The following SPAG16 variants were observed in gnomAD, a reference collection of about 807,000 sequenced individuals.
SPAG16 encodes sperm-associated antigen 16 protein.
A neutral mutation model predicts 80.4 loss-of-function variants in SPAG16; 86 were observed. The ratio of observed to expected loss-of-function variants is 1.07; its 90% CI spans 0.90 to 1.28. SPAG16 has a LOEUF of 1.28. Among genes scored for constraint, SPAG16 ranks in the 50% most tolerant of loss-of-function variants. The probability of loss-of-function intolerance (pLI) is 0.00; values close to 1 mark genes in which losing one functional copy is unlikely to be tolerated. For missense variants in SPAG16, 870 were observed against 765.3 expected, an observed-to-expected ratio of 1.14 and a Z score of -1.61; for synonymous variants, 294 against 265.9, an observed-to-expected ratio of 1.11 and a Z score of -1.03.
chr2:214,307,599 T>C (rs1391792165), intron 15 of SPAG16, among the ~76,000 whole-genome samples: 1 of 152,196 alleles, frequency 6.6e-6, no homozygotes, highest in Non-Finnish European at 1.5e-5. Context: ...TGTATCTTTG[T>C]TCTCATTAGT....
At chr2:213,287,967 A>G (rs539280905) in intron 1 of SPAG16, among the ~76,000 whole-genome samples, 17 of 152,298 alleles carry the variant, frequency 1.1e-4, no homozygotes, top group Middle Eastern at 3.4e-3. Context: ...GTACAGTGGC[A>G]TGATCATAGC....
intron 9 of SPAG16, among the ~76,000 whole-genome samples, chr2:213,410,763 T>C (rs946313248): frequency 6.6e-6 from 1 of 152,158 alleles, no homozygotes; most frequent in Non-Finnish European, 1.5e-5. Context: ...AGGCCCAGAT[T>C]GTCCCCTTTC....
At chr2:213,386,711 A>G (rs2067447737) in intron 9 of SPAG16, among the ~76,000 whole-genome samples, 1 of 152,206 alleles carries the variant, frequency 6.6e-6, no homozygotes, top group South Asian at 2.1e-4. Context: ...GTCAATTCTT[A>G]TGGTTTAAAC....
At chr2:213,921,554 C>T (rs909008209) in intron 11 of SPAG16, among the ~76,000 whole-genome samples, 15 of 152,070 alleles carry the variant, frequency 9.9e-5, no homozygotes, top group African/African-American at 3.4e-4. Context: ...TTCATATGTA[C>T]GAATTTGATC....
rs568087947 is a variant in SPAG16 at position 214,404,137 on chromosome 2, T to G, written c.1721-6003T>G. Among the ~76,000 whole-genome samples the G allele has an allele frequency of 3.9e-5, 6 of 152,302 alleles. No individual in the cohort carries two copies. The East Asian group carries it at 1.2e-3, about 29-fold the overall frequency. On this transcript the variant is annotated intron_variant, in intron 15 of 15. Transcript: ENST00000331683. ...TGTTTGATGGAGAGCACAGAGTTCA[T>G]GTAAGAGTGTACTTGAGTTAGCAAA...
At chr2:213,664,158 A>G (rs2063519649) in intron 10 of SPAG16, among the ~76,000 whole-genome samples, 2 of 152,038 alleles carry the variant, frequency 1.3e-5, no homozygotes, top group South Asian at 2.1e-4. Flanking sequence ...CCACTGTCAC[A>G]TAGGCTTCTC....
intron 10 of SPAG16, among the ~76,000 whole-genome samples, chr2:213,722,914 T>C (rs561963233): frequency 2.6e-5 from 4 of 152,304 alleles, no homozygotes; most frequent in African/African-American, 9.6e-5. Context: ...GCCTCTTTTA[T>C]AAGGGCATCA....
At position 213,833,552 on chromosome 2, in the gene SPAG16, TA is replaced by T. The variant is rs2073894256; in HGVS notation, c.1071-28932del. Reference sequence around the variant, plus strand: ...TATATTATATATAATATATATAATATATATAATATATATAATATATATATAA... The same window carrying T: ...TATATTATATATAATATATATAATATTATAATATATATAATATATATATAA... On this transcript the variant is annotated intron_variant, in intron 10 of 15. Coordinates refer to ENST00000331683, the MANE Select transcript of SPAG16 (RefSeq NM_024532.5). Among the ~76,000 whole-genome samples, 6 of 3,540 alleles carry T rather than the reference TA, an allele frequency of 1.7e-3. 1 individual carries two copies. The highest frequency in any genetic ancestry group is 2.3e-3 in the Non-Finnish European group (4 of 1,736). 2.3% of individuals were successfully genotyped at this position (3,540 alleles called of 152,430 possible).
At chr2:214,238,010 A>G in intron 15 of SPAG16, 3 of 257,034 alleles carry the variant, frequency 1.2e-5, no homozygotes, top group Non-Finnish European at 1.6e-5. Flanking sequence ...TAAAACAAAC[A>G]TTTGAATTAT....
chr2:213,652,148 A>G (rs539348258), intron 10 of SPAG16, among the ~76,000 whole-genome samples: 1 of 152,354 alleles, frequency 6.6e-6, no homozygotes, highest in East Asian at 1.9e-4. Context: ...GACCCCAGGT[A>G]TACTACTTAA....
intron 10 of SPAG16, among the ~76,000 whole-genome samples, chr2:213,766,538 C>A (rs1026877064): frequency 1.3e-5 from 2 of 152,166 alleles, no homozygotes; most frequent in African/African-American, 2.4e-5. Flanking sequence ...AAAGTTAAGC[C>A]TTTAATCACT....
At chr2:213,312,749 A>G (rs1458155597) in intron 4 of SPAG16, among the ~76,000 whole-genome samples, 1 of 151,764 alleles carries the variant, frequency 6.6e-6, no homozygotes. Context: ...AATGGAAGAG[A>G]TTGTAAATTA....
intron 9 of SPAG16, among the ~76,000 whole-genome samples, chr2:213,416,546 G>GTTT (rs1480038020): frequency 0.015 from 1,549 of 103,314 alleles, 22 homozygotes; most frequent in African/African-American, 0.037. Flanking sequence ...TACTTGACTT[G>GTTT]TTTTTTCTTT....
At position 214,335,755 on chromosome 2, in the gene SPAG16, C is replaced by CTTT. The variant is rs71037369; in HGVS notation, c.1721-74365_1721-74363dup. Among the ~76,000 whole-genome samples the CTTT allele has an allele frequency of 2.4e-3, 215 of 90,558 alleles. 7 individuals carry two copies. Among genetic ancestry groups the CTTT allele is most frequent in the African/African-American group, 7.5e-3 (182 of 24,266 alleles). The allele number at this position is 90,558 out of a possible 152,430, so 59.4% of individuals were successfully genotyped here. On this transcript the variant is annotated intron_variant, in intron 15 of 15. Transcript: ENST00000331683. ...TGTCTATTATTTTATTATTAGGATT[C>CTTT]TTTTTTTTTTTTTTTTTTTTTTGAG...
At chr2:213,848,590 C>T (rs190668332) in intron 10 of SPAG16, among the ~76,000 whole-genome samples, 1 of 152,176 alleles carries the variant, frequency 6.6e-6, no homozygotes, top group African/African-American at 2.4e-5. Context: ...GTAGTTATAT[C>T]TATCTGGTTG....
chr2:213,417,142 CTTT>C (rs1461357643), intron 9 of SPAG16, among the ~76,000 whole-genome samples: 11 of 152,208 alleles, frequency 7.2e-5, no homozygotes, highest in African/African-American at 2.6e-4. Flanking sequence ...ACTTTCCTGT[CTTT>C]AAGAATTGGC....
chr2:213,888,348 C>T (rs1441401954), intron 11 of SPAG16, among the ~76,000 whole-genome samples: 1 of 151,800 alleles, frequency 6.6e-6, no homozygotes, highest in Admixed American at 6.6e-5. Flanking sequence ...CTATCCTCAG[C>T]TTGGCCACTT....
At chr2:214,175,499 G>T (rs2057049617) in intron 15 of SPAG16, among the ~76,000 whole-genome samples, 1 of 151,050 alleles carries the variant, frequency 6.6e-6, no homozygotes, top group African/African-American at 2.4e-5. Context: ...TTAAAGAAAA[G>T]AACATCTGAT....
At chr2:213,464,065 GC>G (rs1559158085) in intron 9 of SPAG16, among the ~76,000 whole-genome samples, 1 of 152,160 alleles carries the variant, frequency 6.6e-6, no homozygotes, top group Non-Finnish European at 1.5e-5. Flanking sequence ...ATGGGTTTGG[GC>G]CTTTGACATT....
Sources: gnomAD v4.1 joint callset for allele counts (sites outside exome capture counted in the v4.1 genomes callset) on GRCh38, gnomAD v4.1.1 for gene constraint, MANE v1.5 for transcripts, NCBI Gene and HGNC (gene_info 2026-07-23, HGNC 2026-07-21) for gene names.